KHDRBS3: variants seen among roughly 807,000 people sequenced by gnomAD.
KHDRBS3 encodes KH RNA binding domain containing, signal transduction associated 3, also known as KH domain-containing, RNA-binding, signal transduction-associated protein 3.
KHDRBS3 carries 23 observed loss-of-function variants against 45.6 expected under a neutral mutation model. That is an observed-to-expected ratio of 0.50 (90% confidence interval 0.36 to 0.72). The LOEUF (loss-of-function observed/expected upper bound fraction) is 0.72. KHDRBS3 is among the 30% of genes least tolerant of loss of function. The pLI is 0.00. For synonymous variants in KHDRBS3, 162 were observed against 156.5 expected (o/e 1.04, Z -0.26); for missense variants, 352 against 424.8 (o/e 0.83, Z 1.51).
chr8:135,636,409 T>A (rs1451499942), intron 7 of KHDRBS3, among the ~76,000 whole-genome samples: 1 of 152,224 alleles, frequency 6.6e-6, no homozygotes, highest in East Asian at 1.9e-4. Flanking sequence ...GCCACTGCCT[T>A]GACTTTTGGT....
intron 4 of KHDRBS3, among the ~76,000 whole-genome samples, chr8:135,553,646 A>G (rs972122841): frequency 2.1e-4 from 32 of 152,218 alleles, no homozygotes; most frequent in African/African-American, 7.2e-4. Context: ...AATATAGCTG[A>G]AGAGTAAATT....
At chr8:135,561,823 G>A (rs1474672477) in intron 5 of KHDRBS3, among the ~76,000 whole-genome samples, 2 of 151,940 alleles carry the variant, frequency 1.3e-5, no homozygotes, top group Admixed American at 6.6e-5. Flanking sequence ...GCTAATGTGC[G>A]TTTGTATCTT....
At chr8:135,533,392 A>T (rs1193085646) in intron 2 of KHDRBS3, among the ~76,000 whole-genome samples, 1 of 152,152 alleles carries the variant, frequency 6.6e-6, no homozygotes, top group Non-Finnish European at 1.5e-5. Context: ...CTATTTCTCT[A>T]CGTATGGTAG....
chr8:135,468,640 A>G (rs1296790657), intron 1 of KHDRBS3, among the ~76,000 whole-genome samples: 1 of 152,228 alleles, frequency 6.6e-6, no homozygotes, highest in Non-Finnish European at 1.5e-5. Flanking sequence ...GCAGTGTGCC[A>G]TGGGCTGTGG....
chr8:135,626,750 G>A (rs1037582158), intron 7 of KHDRBS3, among the ~76,000 whole-genome samples: 1 of 138,968 alleles, frequency 7.2e-6, no homozygotes, highest in Non-Finnish European at 1.5e-5. Context: ...CTTGCAGTGA[G>A]CCGAGATTGC....
chr8:135,596,004 GA>G (rs1563794418), intron 6 of KHDRBS3, among the ~76,000 whole-genome samples: 1 of 152,116 alleles, frequency 6.6e-6, no homozygotes, highest in Non-Finnish European at 1.5e-5. Flanking sequence ...TTGAAGGCGT[GA>G]AAGCTAAAAT....
chr8:135,635,779 T>G (rs973707508), intron 7 of KHDRBS3, among the ~76,000 whole-genome samples: 10 of 152,252 alleles, frequency 6.6e-5, no homozygotes, highest in African/African-American at 2.2e-4. Flanking sequence ...TACCTTGGTC[T>G]GCTGTATACT....
chr8:135,509,157 T>C (rs560698447), intron 1 of KHDRBS3, among the ~76,000 whole-genome samples: 4 of 152,370 alleles, frequency 2.6e-5, no homozygotes, highest in Admixed American at 6.5e-5. Context: ...GGTCATTAAA[T>C]GAATACAATT....
chr8:135,553,650 G>T (rs928679032), intron 4 of KHDRBS3, among the ~76,000 whole-genome samples: 1 of 152,194 alleles, frequency 6.6e-6, no homozygotes, highest in South Asian at 2.1e-4. Flanking sequence ...TAGCTGAAGA[G>T]TAAATTCCTA....
In KHDRBS3 at chr8:135,457,846, C is replaced by T. The variant is rs748756331; in HGVS notation, c.-21C>T. The T allele has an allele frequency of 6.5e-7, 1 of 1,545,300 alleles. No homozygotes were observed. Among genetic ancestry groups the T allele is most frequent in the South Asian group, 1.2e-5 (1 of 84,740 alleles). On this transcript the variant is annotated 5_prime_UTR_variant, in exon 1 of 9. Coordinates refer to ENST00000355849, the MANE Select transcript of KHDRBS3 (RefSeq NM_006558.3). This position sits in a 1 kb window ranked among gnomAD's most constrained non-coding sequence, Gnocchi z 4.4. ...CCCCGTGCGCCTGGAGTCCACATCC[C>T]GGGCCCGGCGGCCGGCGAGCATGGA...
At chr8:135,459,332 A>G (rs1821305690) in intron 1 of KHDRBS3, among the ~76,000 whole-genome samples, 1 of 152,236 alleles carries the variant, frequency 6.6e-6, no homozygotes, top group Non-Finnish European at 1.5e-5. Context: ...GAACAGAAAT[A>G]GACTTATGGA....
At chr8:135,545,741 A>G (rs527731828) in intron 3 of KHDRBS3, among the ~76,000 whole-genome samples, 1 of 152,272 alleles carries the variant, frequency 6.6e-6, no homozygotes, top group East Asian at 1.9e-4. Context: ...TTTTTGTCCC[A>G]TACTGCGCTG....
At chr8:135,503,837 C>A (rs746506593) in intron 1 of KHDRBS3, among the ~76,000 whole-genome samples, 42 of 152,144 alleles carry the variant, frequency 2.8e-4, no homozygotes, top group Admixed American at 5.9e-4. Flanking sequence ...TTTGGAGTTA[C>A]TATAAGGATA....
At chr8:135,584,134 A>C (rs1828345190) in intron 6 of KHDRBS3, among the ~76,000 whole-genome samples, 1 of 152,130 alleles carries the variant, frequency 6.6e-6, no homozygotes, top group Non-Finnish European at 1.5e-5. Flanking sequence ...TCATTGTTTG[A>C]TTCCCACACT....
chr8:135,525,111 T>G (rs553650658), intron 2 of KHDRBS3, among the ~76,000 whole-genome samples: 1 of 152,320 alleles, frequency 6.6e-6, no homozygotes, highest in South Asian at 2.1e-4. Context: ...TGCTGGCTAT[T>G]GTGAATGTAC....
chr8:135,510,012 TCTCTCTGTGCAGG>T (rs1470684491), intron 1 of KHDRBS3, among the ~76,000 whole-genome samples: 1 of 142,608 alleles, frequency 7.0e-6, no homozygotes, highest in African/African-American at 2.7e-5. Flanking sequence ...CCTGAGTCTC[TCTCTCTGTGCAGG>T]CTGGAGCGCA....
intron 1 of KHDRBS3, among the ~76,000 whole-genome samples, chr8:135,481,223 GATATATATATATATAT>G (rs10529846): frequency 0.069 from 5,315 of 77,398 alleles, 475 homozygotes; most frequent in African/African-American, 0.24. Context: ...TGAAAGCCAC[GATATATATATATATAT>G]ATATATATAT....
chr8:135,607,094 C>A, intron 7 of KHDRBS3, 57 bp downstream of exon 7: 1 of 1,362,102 alleles, frequency 7.3e-7, no homozygotes, highest in Non-Finnish European at 1.0e-6. Flanking sequence ...CTTCCACATT[C>A]ATATATTCTG....
chr8:135,576,980 C>T (rs1412468646), intron 5 of KHDRBS3, among the ~76,000 whole-genome samples: 1 of 152,090 alleles, frequency 6.6e-6, no homozygotes, highest in Admixed American at 6.5e-5. Context: ...GAAACTGGCT[C>T]CCACCATTCT....
Sources: allele counts gnomAD v4.1 joint callset (sites outside exome capture counted in the v4.1 genomes callset), GRCh38; gene constraint gnomAD v4.1.1; non-coding constraint Gnocchi (gnomAD v3.1); transcripts MANE v1.5; gene names NCBI Gene and HGNC (gene_info 2026-07-23, HGNC 2026-07-21).